The following SYNPO2 variants were observed in gnomAD, a reference collection of about 807,000 sequenced individuals.
SYNPO2 encodes synaptopodin-2.
Under a neutral mutation model 85.0 loss-of-function variants are expected in SYNPO2, and 56 were observed. That is an observed-to-expected ratio of 0.66 (90% CI 0.53 to 0.82). SYNPO2 has a LOEUF of 0.82. Ranked by LOEUF, SYNPO2 falls within the 40% of genes least tolerant of loss-of-function variation. The probability of loss-of-function intolerance (pLI) is 0.00; values close to 1 mark genes in which losing one functional copy is unlikely to be tolerated. For synonymous variants in SYNPO2, 602 were observed against 591.1 expected, an observed-to-expected ratio of 1.02 and a Z score of -0.27; for missense variants, 1,575 against 1,534.2, an observed-to-expected ratio of 1.03 and a Z score of -0.44.
chr4:119,054,407 C>G lies in SYNPO2; in HGVS notation c.3253-2994C>G, dbSNP rs756592847. On this transcript the variant is annotated intron_variant, in intron 4 of 4. Transcript: ENST00000307142. The stretch of plus-strand genomic sequence containing the variant: ...ACTCGGTGGGTCCCAAGCTCTTGTC[C>G]GGCGTCCAGGAAGAATGAGGTCACA... Among the ~76,000 whole-genome samples, 3 of 152,036 alleles carry G rather than the reference C, an allele frequency of 2.0e-5. No individual in the cohort carries two copies. The South Asian group carries it at 6.2e-4, about 32-fold the overall frequency.
intron 1 of SYNPO2, 119 bp from the exon 2 acceptor site, chr4:119,023,311 A>G (rs967757066): frequency 9.6e-7 from 1 of 1,043,078 alleles, no homozygotes; most frequent in East Asian, 2.6e-5. Flanking sequence ...TTACAGGTTA[A>G]CAGGTGAATT....
At chr4:118,994,777 A>G (rs1354613026) in intron 1 of SYNPO2, among the ~76,000 whole-genome samples, 1 of 152,212 alleles carries the variant, frequency 6.6e-6, no homozygotes, top group African/African-American at 2.4e-5. Context: ...CGTAGGTGTT[A>G]TAGAAAAAGA....
intron 1 of SYNPO2, among the ~76,000 whole-genome samples, chr4:118,958,637 G>A (rs941256670): frequency 6.6e-6 from 1 of 152,094 alleles, no homozygotes; most frequent in African/African-American, 2.4e-5. Context: ...GTAACTCTGC[G>A]TTGCAATGTG....
chr4:118,894,430 G>C (rs1732479000), intron 1 of SYNPO2, among the ~76,000 whole-genome samples: 1 of 152,108 alleles, frequency 6.6e-6, no homozygotes, highest in African/African-American at 2.4e-5. Context: ...TAAAGATCAG[G>C]GGAACTGGCA....
At chr4:118,924,296 G>A (rs931790668) in intron 1 of SYNPO2, among the ~76,000 whole-genome samples, 10 of 152,266 alleles carry the variant, frequency 6.6e-5, no homozygotes, top group African/African-American at 1.4e-4. Flanking sequence ...ACAATTGGCC[G>A]GAAAGGGTCA....
Position 119,026,755 on chromosome 4 carries a change from C to G in SYNPO2, c.386C>G (p.Thr129Arg). Reference sequence around the variant, plus strand: ...CGACCGGCCACAAAGACCCAGTGCACAGAATTCTTCCTCGCCCCTGTCAAG... The same window carrying G: ...CGACCGGCCACAAAGACCCAGTGCAGAGAATTCTTCCTCGCCCCTGTCAAG... ...QIRPATKTQCTEFFLAPVKTE... is the reference protein window; with the variant it reads ...QIRPATKTQCREFFLAPVKTE... Residue 129 changes from threonine to arginine, a missense_variant, in exon 3 of 5, where the codon ACA becomes AGA. Physicochemically the swap from Thr to Arg is moderately conservative, Grantham distance 71 (BLOSUM62 -1). Around this residue, in one of 3 missense-constraint regions of SYNPO2, gnomAD observed 1,508 missense variants for 1,446.8 expected, o/e 1.04. Coordinates refer to ENST00000307142, the MANE Select transcript of SYNPO2 (RefSeq NM_133477.3). 6.2e-7 allele frequency: 1 copy of G among 1,614,178 alleles called. No individual in the cohort carries two copies. The highest frequency in any genetic ancestry group is 1.1e-5 in the South Asian group (1 of 91,078).
chr4:119,026,583 A>T, intron 2 of SYNPO2, 44 bp from the exon 3 acceptor site: 1 of 1,534,044 alleles, frequency 6.5e-7, no homozygotes, highest in Non-Finnish European at 8.8e-7. Context: ...GGCAGATGTA[A>T]CATAGTCTGA....
rs546039125 is a variant in SYNPO2, at chr4:118,902,225, CCT to C, written c.105+13087_105+13088del. 1.8e-3 allele frequency among the ~76,000 whole-genome samples: 273 copies of C among 152,296 alleles called. 1 individual carries two copies. Among genetic ancestry groups the C allele is most frequent in the African/African-American group, 6.4e-3 (265 of 41,558 alleles). On this transcript the variant is annotated intron_variant, in intron 1 of 4. Transcript: ENST00000307142. ...ACTTTGCAATGTGGTCTTCAAATTT[CCT>C]CTTCATCCATTTCGGCTTCTCATGA...
In SYNPO2 at chr4:119,030,194, G is replaced by T. The variant is rs968084922; in HGVS notation, c.1419G>T (p.Lys473Asn). Residue 473 changes from lysine (K) to asparagine (N), a missense_variant, in exon 4 of 5, where the codon AAG becomes AAT. Around this residue, in one of 3 missense-constraint regions of SYNPO2, gnomAD observed 1,508 missense variants for 1,446.8 expected, o/e 1.04. Coordinates refer to ENST00000307142, the MANE Select transcript of SYNPO2 (RefSeq NM_133477.3). ...ATTCTGGACTGGTGGACATTGAAAAGAAACTGAACAGAGGGGACAAGATGG... is the reference window on the plus strand; with the variant it reads ...ATTCTGGACTGGTGGACATTGAAAATAAACTGAACAGAGGGGACAAGATGG... ...DWDSGLVDIE[K>N]KLNRGDKMEM... 55 of 1,613,974 alleles carry T rather than the reference G, an allele frequency of 3.4e-5. No individual in the cohort carries two copies. Among genetic ancestry groups the T allele is most frequent in the Non-Finnish European group, 4.1e-5 (48 of 1,179,998 alleles).
chr4:118,975,080 A>G (rs927666034), intron 1 of SYNPO2, among the ~76,000 whole-genome samples: 1 of 152,150 alleles, frequency 6.6e-6, no homozygotes, highest in African/African-American at 2.4e-5. Flanking sequence ...CTTACTTTCA[A>G]TAACCTGTCA....
chr4:118,852,705 T>C (rs1442509539), intron 1 of SYNPO2, among the ~76,000 whole-genome samples: 1 of 152,072 alleles, frequency 6.6e-6, no homozygotes, highest in Non-Finnish European at 1.5e-5. Context: ...CAACACACAC[T>C]GGGGCCTATT....
intron 1 of SYNPO2, among the ~76,000 whole-genome samples, chr4:118,958,062 T>C (rs1396632263): frequency 6.6e-6 from 1 of 152,216 alleles, no homozygotes; most frequent in Admixed American, 6.5e-5. Flanking sequence ...TTTTGGCAAG[T>C]TGTGCTCATT....
In SYNPO2 at chr4:119,030,038, G is replaced by A; in HGVS notation, c.1263G>A (p.Ala421=). 1 of 1,614,066 alleles carries A rather than the reference G, an allele frequency of 6.2e-7. No individual in the cohort carries two copies. Among genetic ancestry groups the A allele is most frequent in the East Asian group, 2.2e-5 (1 of 44,874 alleles). The part of the protein sequence containing the change: ...SYGTGELERE[A]DEEEEGDKED... ...GTACTGGCGAGCTTGAGCGAGAGGCGGACGAGGAGGAAGAAGGTGACAAGG... is the reference window on the plus strand; with the variant it reads ...GTACTGGCGAGCTTGAGCGAGAGGCAGACGAGGAGGAAGAAGGTGACAAGG... Residue 421 remains alanine (A), a synonymous_variant, in exon 4 of 5, where the codon GCG becomes GCA. Coordinates refer to ENST00000307142, the MANE Select transcript of SYNPO2 (RefSeq NM_133477.3).
At chr4:118,963,516 T>A (rs1412947728) in intron 1 of SYNPO2, among the ~76,000 whole-genome samples, 2 of 152,228 alleles carry the variant, frequency 1.3e-5, no homozygotes, top group East Asian at 3.9e-4. Context: ...TTTAACTTTT[T>A]TTAGAAGTTG....
chr4:118,853,421 A>C (rs1032241128), intron 1 of SYNPO2, among the ~76,000 whole-genome samples: 2 of 152,130 alleles, frequency 1.3e-5, no homozygotes, highest in Non-Finnish European at 2.9e-5. Flanking sequence ...TAAGCATTGC[A>C]ACAAAATGTC....
At chr4:118,961,097 C>CTG (rs1553941436) in intron 1 of SYNPO2, among the ~76,000 whole-genome samples, 2 of 46,880 alleles carry the variant, frequency 4.3e-5, no homozygotes, top group African/African-American at 9.1e-5. Context: ...GGCTATTTTA[C>CTG]CGCCCCCCCC....
chr4:118,945,890 C>T (rs938299454), intron 1 of SYNPO2, among the ~76,000 whole-genome samples: 8 of 152,114 alleles, frequency 5.3e-5, no homozygotes, highest in Admixed American at 2.6e-4. Flanking sequence ...GGACTGCAGG[C>T]GCGCACCACC....
chr4:118,949,593 A>AT (rs1272136988), intron 1 of SYNPO2, among the ~76,000 whole-genome samples: 1 of 149,912 alleles, frequency 6.7e-6, no homozygotes, highest in Non-Finnish European at 1.5e-5. Flanking sequence ...AAAAAAAAAA[A>AT]CAAAAATTAG....
intron 1 of SYNPO2, among the ~76,000 whole-genome samples, chr4:118,918,640 A>G (rs1733435638): frequency 6.6e-6 from 1 of 152,228 alleles, no homozygotes; most frequent in African/African-American, 2.4e-5. Flanking sequence ...TAATTTGATG[A>G]TGTGGAACAA....
Sources: allele counts gnomAD v4.1 joint callset (sites outside exome capture counted in the v4.1 genomes callset), GRCh38; gene constraint gnomAD v4.1.1; regional missense constraint gnomAD v4.1.1; transcripts MANE v1.5; gene names NCBI Gene and HGNC (gene_info 2026-07-23, HGNC 2026-07-21).